Variants in PTPRN2 observed in about 807,000 individuals in gnomAD.
PTPRN2 encodes the protein receptor-type tyrosine-protein phosphatase N2.
A neutral mutation model predicts 118.8 loss-of-function variants in PTPRN2; 74 were observed. The ratio of observed to expected loss-of-function variants is 0.62; its 90% CI spans 0.52 to 0.76. The LOEUF (loss-of-function observed/expected upper bound fraction) is 0.76. PTPRN2 is among the 30% of genes least tolerant of loss of function. The pLI, the probability that PTPRN2 is intolerant of heterozygous loss-of-function variation, is 0.00. For missense variants in PTPRN2, 1,481 were observed against 1,394.4 expected (o/e 1.06, Z -0.99); for synonymous variants, 641 against 608.0 (o/e 1.05, Z -0.80).
At chr7:158,276,272 C>T (rs1798970686) in intron 3 of PTPRN2, among the ~76,000 whole-genome samples, 1 of 50,478 alleles carries the variant, frequency 2.0e-5, no homozygotes. Flanking sequence ...ACTCTGGCCC[C>T]AACAGGCTGT....
Position 158,546,926 on chromosome 7 carries a change from C to G in PTPRN2, c.112+40632G>C, listed in dbSNP as rs1346431933. On this transcript the variant is annotated intron_variant, in intron 1 of 22. Transcript: ENST00000389418. The surrounding 1 kb of genome is among the most constrained non-coding windows in gnomAD (Gnocchi z 5.0). ...GGGCACCTGGGGCAGGGCTGGGGGA[C>G]AGCCCAGCCATCTTCAGGGCCCCAG... Among the ~76,000 whole-genome samples, 1 of 152,162 alleles carries G rather than the reference C, an allele frequency of 6.6e-6. No individual in the cohort carries two copies. The highest frequency in any genetic ancestry group is 1.5e-5 in the Non-Finnish European group (1 of 68,018).
rs1294822938 is a variant in PTPRN2, at chr7:157,941,054, TCTCCCCCGTGACACTGCAAATCTAACACC to T, written c.1724-42346_1724-42318del. The stretch of plus-strand genomic sequence containing the variant: ...CACCACGACACTGCAAATCTAACAC[TCTCCCCCGTGACACTGCAAATCTAACACC>T]CTCCCCCGTGACACTGCAAATCTAA... On this transcript the variant is annotated intron_variant, in intron 11 of 22. Transcript: ENST00000389418. Among the ~76,000 whole-genome samples, 122 of 19,410 alleles carry T rather than the reference TCTCCCCCGTGACACTGCAAATCTAACACC, an allele frequency of 6.3e-3. 14 individuals are homozygous for T. Among genetic ancestry groups the T allele is most frequent in the Non-Finnish European group, 8.4e-3 (88 of 10,446 alleles). The allele number at this position is 19,410 out of a possible 152,430, so 12.7% of individuals were successfully genotyped here.
intron 3 of PTPRN2, among the ~76,000 whole-genome samples, chr7:158,273,871 C>G (rs1443685267): frequency 5.2e-3 from 596 of 115,422 alleles, no homozygotes; most frequent in Non-Finnish European, 5.7e-3. Context: ...AGGAGACACA[C>G]GAGGAGCCGC....
chr7:158,059,804 G>C (rs1438515443), intron 11 of PTPRN2, among the ~76,000 whole-genome samples: 86 of 79,592 alleles, frequency 1.1e-3, no homozygotes, highest in Middle Eastern at 8.9e-3. Flanking sequence ...CCCACGGTGA[G>C]ACATCACTGC....
chr7:157,988,266 T>C (rs1395406928), intron 11 of PTPRN2, among the ~76,000 whole-genome samples: 1 of 152,016 alleles, frequency 6.6e-6, no homozygotes, highest in East Asian at 1.9e-4. Context: ...TTCTTTGTGC[T>C]TTGGTCACAC....
In PTPRN2 at chr7:158,525,235, A is replaced by G. The variant is rs192010842; in HGVS notation, c.113-35450T>C. On this transcript the variant is annotated intron_variant, in intron 1 of 22. Coordinates refer to ENST00000389418, the MANE Select transcript of PTPRN2 (RefSeq NM_002847.5). The surrounding 1 kb of genome is among the most constrained non-coding windows in gnomAD (Gnocchi z 4.1). ...TCTGGAAGGAAAAGCACCTCTGGCA[A>G]GTAGTCCAGAGGTGAAAGTTTCTCT... Among the ~76,000 whole-genome samples the G allele has an allele frequency of 6.6e-6, 1 of 152,294 alleles. No homozygotes were observed. The highest frequency in any genetic ancestry group is 1.5e-5 in the Non-Finnish European group (1 of 68,030).
intron 11 of PTPRN2, among the ~76,000 whole-genome samples, chr7:157,941,087 C>A (rs867200543): frequency 3.0e-5 from 2 of 65,650 alleles, no homozygotes; most frequent in African/African-American, 1.5e-4. Context: ...TAACACCCTC[C>A]CCCGTGACAC....
rs13309892 is a variant in PTPRN2 at position 158,460,356 on chromosome 7, C to T, written c.163+29379G>A. 4.3e-3 allele frequency among the ~76,000 whole-genome samples: 124 copies of T among 28,694 alleles called. 2 individuals carry two copies. Among genetic ancestry groups the T allele is most frequent in the African/African-American group, 0.016 (118 of 7,156 alleles). The allele number at this position is 28,694 out of a possible 152,430, so 18.8% of individuals were successfully genotyped here. On this transcript the variant is annotated intron_variant, in intron 2 of 22. Coordinates refer to ENST00000389418, the MANE Select transcript of PTPRN2 (RefSeq NM_002847.5). Reference sequence around the variant, plus strand: ...CAGGAGGGTCATTCAACTGTAGGATCGGACTCTATCTACATGTTCCTGCTA... The same window carrying T: ...CAGGAGGGTCATTCAACTGTAGGATTGGACTCTATCTACATGTTCCTGCTA...
chr7:158,027,176 T>C (rs1807340169), intron 11 of PTPRN2, among the ~76,000 whole-genome samples: 1 of 152,162 alleles, frequency 6.6e-6, no homozygotes, highest in Non-Finnish European at 1.5e-5. Context: ...TTTACCCACA[T>C]GCCTAGGCCA....
At chr7:158,153,291 T>G (rs1342603867) in intron 6 of PTPRN2, among the ~76,000 whole-genome samples, 1 of 152,208 alleles carries the variant, frequency 6.6e-6, no homozygotes, top group African/African-American at 2.4e-5. Flanking sequence ...GATCTGATTC[T>G]TCCAGTACAC....
In PTPRN2 at chr7:157,796,246, C is replaced by T. The variant is rs182876039; in HGVS notation, c.1788+102427G>A. On this transcript the variant is annotated intron_variant, in intron 12 of 22. Coordinates refer to ENST00000389418, the MANE Select transcript of PTPRN2 (RefSeq NM_002847.5). ...CAAGTATTGATGCGAGGACTTGTGG[C>T]GCTTTTCTTTCCCGGTGAACTTTCC... Among the ~76,000 whole-genome samples, 97 of 152,340 alleles carry T rather than the reference C, an allele frequency of 6.4e-4. 1 individual carries two copies. The East Asian group carries it at 0.012, about 18-fold the overall frequency.
At chr7:157,871,278 CCT>C (rs1213366124) in intron 12 of PTPRN2, among the ~76,000 whole-genome samples, 1 of 152,150 alleles carries the variant, frequency 6.6e-6, no homozygotes, top group South Asian at 2.1e-4. Flanking sequence ...CCTCGGACCC[CCT>C]GAGTCAGAGG....
chr7:157,721,748 C>T (rs530952061), intron 12 of PTPRN2, among the ~76,000 whole-genome samples: 1 of 152,312 alleles, frequency 6.6e-6, no homozygotes, highest in South Asian at 2.1e-4. Context: ...CCTGCCTGCC[C>T]TGGAGAGCCG....
At chr7:158,238,797 G>A (rs946316144) in intron 3 of PTPRN2, among the ~76,000 whole-genome samples, 3 of 152,136 alleles carry the variant, frequency 2.0e-5, no homozygotes, top group Admixed American at 2.0e-4. Context: ...GTACAGCAAG[G>A]AGGACTCCCC....
chr7:157,969,497 G>A (rs1802169879), intron 11 of PTPRN2, among the ~76,000 whole-genome samples: 1 of 152,174 alleles, frequency 6.6e-6, no homozygotes, highest in Non-Finnish European at 1.5e-5. Flanking sequence ...TCATGAGAAG[G>A]GCATGAGTGG....
chr7:157,580,813 CCAGCA>C (rs1280968797), intron 17 of PTPRN2, among the ~76,000 whole-genome samples: 4 of 126,888 alleles, frequency 3.2e-5, no homozygotes, highest in East Asian at 4.8e-4. Flanking sequence ...CCTGCACACC[CCAGCA>C]CCTGCACACC....
chr7:158,075,033 CGTTGT>C (rs71189763), intron 11 of PTPRN2, among the ~76,000 whole-genome samples: 62,786 of 151,658 alleles, frequency 0.41, 14,179 homozygotes, highest in African/African-American at 0.6. Flanking sequence ...TCTACCACAG[CGTTGT>C]GTTGTCTGCG....
chr7:158,144,663 C>T (rs1321811964), intron 6 of PTPRN2, among the ~76,000 whole-genome samples: 1 of 152,140 alleles, frequency 6.6e-6, no homozygotes, highest in Non-Finnish European at 1.5e-5. Context: ...AGAAGGGGGA[C>T]ATCAGCAGGC....
chr7:157,577,206 A>C (rs1383120155), intron 18 of PTPRN2, among the ~76,000 whole-genome samples: 1 of 152,162 alleles, frequency 6.6e-6, no homozygotes, highest in Admixed American at 6.5e-5. Flanking sequence ...GCAGCTGCGC[A>C]CACCCGGGTC....
Sources: gnomAD v4.1 joint callset for allele counts (sites outside exome capture counted in the v4.1 genomes callset) on GRCh38, gnomAD v4.1.1 for gene constraint, Gnocchi (gnomAD v3.1) non-coding constraint, MANE v1.5 for transcripts, NCBI Gene and HGNC (gene_info 2026-07-23, HGNC 2026-07-21) for gene names.